The following PGM2L1 variants were observed in gnomAD, a reference collection of about 807,000 sequenced individuals.
PGM2L1 encodes glucose 1,6-bisphosphate synthase.
A neutral mutation model predicts 73.4 loss-of-function variants in PGM2L1; 35 were observed. The observed-to-expected ratio is 0.48, with a 90% CI of 0.36 to 0.63. PGM2L1 has a LOEUF of 0.63. PGM2L1 is among the 30% of genes least tolerant of loss of function. The pLI, the probability that PGM2L1 is intolerant of heterozygous loss-of-function variation, is 0.00. For missense variants in PGM2L1, 570 were observed against 742.0 expected, an observed-to-expected ratio of 0.77 and a Z score of 2.69; for synonymous variants, 225 against 253.8, an observed-to-expected ratio of 0.89 and a Z score of 1.08.
In PGM2L1 at chr11:74,361,255, T is replaced by A. The variant is rs188733889; in HGVS notation, c.555+7237A>T. Among the ~76,000 whole-genome samples, 506 of 152,340 alleles carry A rather than the reference T, an allele frequency of 3.3e-3. 2 individuals carry two copies. Among genetic ancestry groups the A allele is most frequent in the African/African-American group, 0.012 (479 of 41,586 alleles). On this transcript the variant is annotated intron_variant, in intron 5 of 13. Coordinates refer to ENST00000298198, the MANE Select transcript of PGM2L1 (RefSeq NM_173582.6). The stretch of plus-strand genomic sequence containing the variant: ...TGCTGTTCAGCAATATTCGCTGTTC[T>A]GCAGCCTCCACTGCTGATACCCAGG...
At chr11:74,338,253 G>A (rs1862127031) in intron 13 of PGM2L1, among the ~76,000 whole-genome samples, 1 of 152,166 alleles carries the variant, frequency 6.6e-6, no homozygotes, top group African/African-American at 2.4e-5. Context: ...GGGTTGCTGA[G>A]GGCCGTAAAG....
chr11:74,357,880 G>C (rs1862485942), intron 5 of PGM2L1, among the ~76,000 whole-genome samples: 1 of 152,158 alleles, frequency 6.6e-6, no homozygotes, highest in Non-Finnish European at 1.5e-5. Context: ...GCCATGAAAA[G>C]ACATGGAGGG....
intron 6 of PGM2L1, among the ~76,000 whole-genome samples, chr11:74,348,466 T>G (rs1227081867): frequency 6.6e-6 from 1 of 152,190 alleles, no homozygotes; most frequent in Non-Finnish European, 1.5e-5. Context: ...TCAAGATATA[T>G]TACTTTACAT....
In PGM2L1 at chr11:74,342,669, T is replaced by G. The variant is rs1862201254; in HGVS notation, c.1443-19A>C. ...ACCATATCTGTGCAAAGATTCAAAG[T>G]GCTAAAATTAGATTTCAGATAACTC... On this transcript the variant is annotated intron_variant, in intron 11 of 13. Coordinates refer to ENST00000298198, the MANE Select transcript of PGM2L1 (RefSeq NM_173582.6). 6.7e-7 allele frequency: 1 copy of G among 1,498,468 alleles called. No homozygotes were observed. The highest frequency in any genetic ancestry group is 1.4e-5 in the South Asian group (1 of 73,352). 92.8% of individuals were successfully genotyped at this position (1,498,468 alleles called of 1,614,324 possible).
At chr11:74,392,193 CTG>C (rs1863112374) in intron 1 of PGM2L1, among the ~76,000 whole-genome samples, 2 of 151,934 alleles carry the variant, frequency 1.3e-5, no homozygotes, top group South Asian at 4.1e-4. Flanking sequence ...AAGGAGCAAA[CTG>C]AGGAAAAGAA....
chr11:74,349,005 T>G (rs1358908479), intron 6 of PGM2L1, among the ~76,000 whole-genome samples: 3 of 152,190 alleles, frequency 2.0e-5, no homozygotes, highest in Non-Finnish European at 4.4e-5. Context: ...ATCAAAATAT[T>G]TCCCATCAAC....
chr11:74,351,733 C>CGGGCAGATCACGAGGT (rs1394868651), intron 5 of PGM2L1, among the ~76,000 whole-genome samples, 157 bp from the exon 6 acceptor site: 1 of 150,312 alleles, frequency 6.7e-6, no homozygotes, highest in African/African-American at 2.5e-5. Context: ...GAGGCTGAGG[C>CGGGCAGATCACGAGGT]GGGCAGATCA....
chr11:74,357,582 T>A (rs1310437075), intron 5 of PGM2L1, among the ~76,000 whole-genome samples: 3 of 152,228 alleles, frequency 2.0e-5, no homozygotes, highest in African/African-American at 7.2e-5. Flanking sequence ...CTGGTAGGGA[T>A]TTAAAATGGT....
intron 1 of PGM2L1, among the ~76,000 whole-genome samples, chr11:74,382,217 G>C (rs1325078178): frequency 6.6e-6 from 1 of 152,190 alleles, no homozygotes; most frequent in Non-Finnish European, 1.5e-5. Flanking sequence ...CAGTTTCTAT[G>C]GGTTAGGAAT....
At chr11:74,375,190 G>A (rs892680764) in intron 1 of PGM2L1, among the ~76,000 whole-genome samples, 3 of 152,254 alleles carry the variant, frequency 2.0e-5, no homozygotes, top group East Asian at 1.9e-4. Flanking sequence ...CCATAAAAAC[G>A]TTTTATGTGT....
chr11:74,377,187 A>T (rs866137847), intron 1 of PGM2L1, among the ~76,000 whole-genome samples: 18 of 148,534 alleles, frequency 1.2e-4, no homozygotes, highest in Middle Eastern at 3.6e-3. Flanking sequence ...CAGGCTGGAG[A>T]GCAGTGGCGC....
intron 4 of PGM2L1, among the ~76,000 whole-genome samples, chr11:74,369,793 C>A (rs1453934119): frequency 1.3e-5 from 2 of 152,162 alleles, no homozygotes; most frequent in African/African-American, 4.8e-5. Flanking sequence ...GCTGTCCAGG[C>A]TGGAGTTCAG....
In PGM2L1 at chr11:74,398,051, C is replaced by T. The variant is rs1863206801; in HGVS notation, c.111G>A (p.Lys37=). 1 of 1,605,758 alleles carries T rather than the reference C, an allele frequency of 6.2e-7. No individual in the cohort carries two copies. Among genetic ancestry groups the T allele is most frequent in the Admixed American group, 1.7e-5 (1 of 59,418 alleles). The stretch of plus-strand genomic sequence containing the variant: ...TTTGCCGGGCTGACCAGGTACCCAC[C>T]TTATCCCAGCGGAGCCACTGCCCGA... The part of the protein sequence containing the change: ...TAIGQWLRWD[K]NPKTKEQIEN... The change falls in exon 1 of 14, where the codon AAG becomes AAA. Residue 37 remains lysine, a splice_region_variant and synonymous_variant. Coordinates refer to ENST00000298198, the MANE Select transcript of PGM2L1 (RefSeq NM_173582.6).
At chr11:74,344,757 G>T (rs1336715963) in intron 9 of PGM2L1, among the ~76,000 whole-genome samples, 2 of 152,116 alleles carry the variant, frequency 1.3e-5, no homozygotes, top group Non-Finnish European at 2.9e-5. Flanking sequence ...TCAACTTTCA[G>T]TATCTTCTAT....
rs1457486123 is a variant in PGM2L1 at position 74,330,565 on chromosome 11, C to T, written c.*6087G>A. The stretch of plus-strand genomic sequence containing the variant: ...CTGCATAAATTTTACCTGGCATATT[C>T]AATGAGGCATACAAAGAGTTTATTC... On this transcript the variant is annotated 3_prime_UTR_variant, in exon 14 of 14. Coordinates refer to ENST00000298198, the MANE Select transcript of PGM2L1 (RefSeq NM_173582.6). The T allele has an allele frequency of 6.6e-6, 1 of 152,564 alleles. No individual in the cohort carries two copies. Among genetic ancestry groups the T allele is most frequent in the African/African-American group, 2.4e-5 (1 of 41,434 alleles). The allele number at this position is 152,564 out of a possible 1,614,324, so 9.5% of individuals were successfully genotyped here.
intron 1 of PGM2L1, among the ~76,000 whole-genome samples, chr11:74,389,598 C>A (rs1863062221): frequency 6.6e-6 from 1 of 151,340 alleles, no homozygotes; most frequent in Non-Finnish European, 1.5e-5. Flanking sequence ...CAGGCAAGTG[C>A]CATCACGCCC....
chr11:74,365,820 T>C (rs1310286792), intron 5 of PGM2L1, among the ~76,000 whole-genome samples: 2 of 152,348 alleles, frequency 1.3e-5, no homozygotes, highest in East Asian at 1.9e-4. Flanking sequence ...CTCAAGGATC[T>C]AGGACTAGAA....
intron 1 of PGM2L1, 67 bp downstream of exon 1, chr11:74,397,984 T>C: frequency 6.9e-7 from 1 of 1,459,236 alleles, no homozygotes; most frequent in Non-Finnish European, 9.1e-7. Context: ...GGGCGCTGGG[T>C]GGGCACAGGA....
chr11:74,368,613 C>A (rs1166488468), intron 4 of PGM2L1, 38 bp from the exon 5 acceptor site: 2 of 1,533,606 alleles, frequency 1.3e-6, no homozygotes, highest in African/African-American at 2.7e-5. Flanking sequence ...ATTTTGCTTC[C>A]TAGCTATTTA....
Sources: allele counts gnomAD v4.1 joint callset (sites outside exome capture counted in the v4.1 genomes callset), GRCh38; gene constraint gnomAD v4.1.1; transcripts MANE v1.5; gene names NCBI Gene and HGNC (gene_info 2026-07-23, HGNC 2026-07-21).